Variants in BBS7 observed in about 807,000 individuals in gnomAD.
The protein encoded by BBS7 is BBSome complex member BBS7.
A neutral mutation model predicts 90.3 loss-of-function variants in BBS7; 50 were observed. The observed-to-expected ratio is 0.55, with a 90% CI of 0.44 to 0.70. The LOEUF (loss-of-function observed/expected upper bound fraction) is 0.70, where lower values mean the gene tolerates loss of function less well. Ranked by LOEUF, BBS7 falls within the 30% of genes least tolerant of loss-of-function variation. The pLI is 0.00. For missense variants in BBS7, 729 were observed against 838.9 expected, an observed-to-expected ratio of 0.87 and a Z score of 1.62; for synonymous variants, 235 against 287.4, an observed-to-expected ratio of 0.82 and a Z score of 1.85.
intron 1 of BBS7, 144 bp from the exon 2 acceptor site, chr4:121,868,190 C>A: frequency 1.3e-6 from 1 of 746,660 alleles, no homozygotes; most frequent in Non-Finnish European, 2.4e-6. Context: ...TGAGATATGT[C>A]ATATTAGTCA....
chr4:121,861,048 A>G (rs1726946662), intron 4 of BBS7, among the ~76,000 whole-genome samples: 1 of 152,156 alleles, frequency 6.6e-6, no homozygotes, highest in African/African-American at 2.4e-5. Flanking sequence ...TCTGAATTGC[A>G]AAATCTCACA....
rs772709822 is a variant in BBS7 at position 121,854,811 on chromosome 4, C to T, written c.611G>A (p.Gly204Glu). 6.2e-7 allele frequency: 1 copy of T among 1,611,410 alleles called. No individual in the cohort carries two copies. Among genetic ancestry groups the T allele is most frequent in the South Asian group, 1.1e-5 (1 of 90,778 alleles). Residue 204 changes from glycine to glutamate, a missense_variant, in exon 7 of 19, where the codon GGA becomes GAA. Gly to Glu is a moderately conservative substitution (Grantham distance 98, BLOSUM62 -2). Transcript: ENST00000264499. Reference sequence around the variant, plus strand: ...TGATGTCCCAAACAAAAGGTCTTCTCCAGAGTCACCTACTTATAATTAAAG... The same window carrying T: ...TGATGTCCCAAACAAAAGGTCTTCTTCAGAGTCACCTACTTATAATTAAAG... ...ALHNGNGGDSGEDLLFGTSDG... is the reference protein window; with the variant it reads ...ALHNGNGGDSEEDLLFGTSDG...
At chr4:121,863,090 T>C (rs747686146) in intron 3 of BBS7, 127 bp downstream of exon 3, 8 of 872,268 alleles carry the variant, frequency 9.2e-6, no homozygotes, top group Admixed American at 4.1e-5. Flanking sequence ...ATATCTCACA[T>C]AACTACTTAC....
At chr4:121,844,149 G>C in intron 11 of BBS7, 148 bp from the exon 12 acceptor site, 1 of 553,066 alleles carries the variant, frequency 1.8e-6, no homozygotes, top group Non-Finnish European at 3.2e-6. Context: ...ATACTTGATA[G>C]TATATACTTC....
Position 121,825,275 on chromosome 4 carries a change from G to GA in BBS7, c.*584dup, listed in dbSNP as rs1724854798. 6.6e-6 allele frequency: 1 copy of GA among 152,136 alleles called. No homozygotes were observed. The highest frequency in any genetic ancestry group is 1.5e-5 in the Non-Finnish European group (1 of 68,084). The allele number at this position is 152,136 out of a possible 1,614,324, so 9.4% of individuals were successfully genotyped here. Reference sequence around the variant, plus strand: ...AGTTGCAAATCAATCCTATCTCCTAGAAAAAACAATTGGTAGGTTATTTCC... The same window carrying GA: ...AGTTGCAAATCAATCCTATCTCCTAGAAAAAAACAATTGGTAGGTTATTTCC... On this transcript the variant is annotated 3_prime_UTR_variant, in exon 19 of 19. Coordinates refer to ENST00000264499, the MANE Select transcript of BBS7 (RefSeq NM_176824.3).
rs34910805 is a variant in BBS7, at chr4:121,868,684, C to CAAAAAAAAAAAAAAAAAAAAAAAAAAAAA, written c.37-667_37-639dup. Among the ~76,000 whole-genome samples the CAAAAAAAAAAAAAAAAAAAAAAAAAAAAA allele has an allele frequency of 6.0e-5, 3 of 49,684 alleles. 1 individual carries two copies. The highest frequency in any genetic ancestry group is 3.5e-5 in the Non-Finnish European group (1 of 28,772). The allele number at this position is 49,684 out of a possible 152,430, so 32.6% of individuals were successfully genotyped here. On this transcript the variant is annotated intron_variant, in intron 1 of 18. Coordinates refer to ENST00000264499, the MANE Select transcript of BBS7 (RefSeq NM_176824.3). ...TGCGTGACAGAACAAGACCCTGTTT[C>CAAAAAAAAAAAAAAAAAAAAAAAAAAAAA]AAAAAAAAAAAAAAAAAAAAAAAAA...
At chr4:121,835,323 A>AAAT in intron 13 of BBS7, 40 bp from the exon 14 acceptor site, 1 of 1,608,940 alleles carries the variant, frequency 6.2e-7, no homozygotes, top group Non-Finnish European at 8.5e-7. Flanking sequence ...AAGAATATTT[A>AAAT]GCAACAAAAC....
chr4:121,828,595 G>T (rs748773977), intron 16 of BBS7, 24 bp downstream of exon 16: 2 of 1,557,994 alleles, frequency 1.3e-6, no homozygotes, highest in African/African-American at 1.4e-5. Flanking sequence ...ACATCAGAAA[G>T]AATTATTAAT....
At position 121,870,272 on chromosome 4, in the gene BBS7, G is replaced by A; in HGVS notation, c.36+6C>T. 6.2e-7 allele frequency: 1 copy of A among 1,614,156 alleles called. No homozygotes were observed. On this transcript the variant is annotated splice_donor_region_variant and intron_variant, in intron 1 of 18. Coordinates refer to ENST00000264499, the MANE Select transcript of BBS7 (RefSeq NM_176824.3). The stretch of plus-strand genomic sequence containing the variant: ...GCGCGGCGCCCGCCCTATCCCTTGG[G>A]TTTACCTGCAGATAATCCATTCGGT...
In BBS7 at chr4:121,847,492, G is replaced by C. The variant is rs869025207; in HGVS notation, c.949C>G (p.Leu317Val). The change falls in exon 10 of 19, where the codon CTG becomes GTG. Residue 317 changes from leucine to valine, a missense_variant. By Grantham distance (32) the Leu-to-Val change is conservative. Coordinates refer to ENST00000264499, the MANE Select transcript of BBS7 (RefSeq NM_176824.3). ...TCCTTATGAATGGGCTCTGTTGTCA[G>C]ACCTGTAACCCAGCCTGTAGAGATG... ...VSTYSGWVTG[L>V]TTEPIHKESG... 6.2e-7 allele frequency: 1 copy of C among 1,612,498 alleles called. No homozygotes were observed. The highest frequency in any genetic ancestry group is 1.3e-5 in the African/African-American group (1 of 75,004).
At chr4:121,858,872 G>T in intron 5 of BBS7, 120 bp downstream of exon 5, 1 of 890,900 alleles carries the variant, frequency 1.1e-6, no homozygotes, top group Non-Finnish European at 1.7e-6. Flanking sequence ...TTTAAAAATT[G>T]TTTCCACATG....
At chr4:121,833,433 G>T (rs768468832) in intron 14 of BBS7, 38 bp from the exon 15 acceptor site, 44 of 1,579,586 alleles carry the variant, frequency 2.8e-5, no homozygotes, top group Non-Finnish European at 3.8e-5. Flanking sequence ...TTATGTGTGG[G>T]AATACATGAA....
intron 2 of BBS7, 119 bp from the exon 3 acceptor site, chr4:121,863,398 C>A: frequency 1.2e-6 from 1 of 813,062 alleles, no homozygotes; most frequent in South Asian, 2.1e-5. Flanking sequence ...ATCAGAAAAT[C>A]TAGGAAAGAC....
chr4:121,834,802 G>A (rs1487286899), intron 14 of BBS7, among the ~76,000 whole-genome samples: 3 of 152,058 alleles, frequency 2.0e-5, no homozygotes, highest in Non-Finnish European at 4.4e-5. Context: ...TATAATATTT[G>A]AGGCTGATAC....
intron 4 of BBS7, among the ~76,000 whole-genome samples, chr4:121,859,596 T>C (rs1460795327): frequency 6.6e-6 from 1 of 152,164 alleles, no homozygotes; most frequent in East Asian, 1.9e-4. Context: ...TTATTCCTTT[T>C]ACAGGTGAAT....
At position 121,858,975 on chromosome 4, in the gene BBS7, A is replaced by C. The variant is rs1375462550; in HGVS notation, c.528+17T>G. The C allele has an allele frequency of 6.2e-7, 1 of 1,609,036 alleles. No homozygotes were observed. Among genetic ancestry groups the C allele is most frequent in the Non-Finnish European group, 8.5e-7 (1 of 1,175,952 alleles). On this transcript the variant is annotated intron_variant, in intron 5 of 18. Coordinates refer to ENST00000264499, the MANE Select transcript of BBS7 (RefSeq NM_176824.3). ...TCACATAATATAAAAAATTAGAAAAATACAAATAACAGCAACCTGTAAAAC... is the reference window on the plus strand; with the variant it reads ...TCACATAATATAAAAAATTAGAAAACTACAAATAACAGCAACCTGTAAAAC...
At chr4:121,846,817 T>A (rs573628327) in intron 10 of BBS7, among the ~76,000 whole-genome samples, 116 of 152,322 alleles carry the variant, frequency 7.6e-4, no homozygotes, top group African/African-American at 2.3e-3. Context: ...AAGGTCAGCA[T>A]GGGTTGAAAT....
In BBS7 at chr4:121,848,906, G is replaced by A; in HGVS notation, c.872C>T (p.Ser291Phe). 6.2e-7 allele frequency: 1 copy of A among 1,613,886 alleles called. No homozygotes were observed. Among genetic ancestry groups the A allele is most frequent in the Non-Finnish European group, 8.5e-7 (1 of 1,179,976 alleles). Residue 291 changes from serine (S) to phenylalanine (F), a missense_variant, in exon 9 of 19, where the codon TCT becomes TTT. Coordinates refer to ENST00000264499, the MANE Select transcript of BBS7 (RefSeq NM_176824.3). ...TTTTCCTACACAACCACCCTGGATA[G>A]ATGTGACGCTTTCAGACAACATCTA... Reference protein sequence around the residue: ...FDQMLSESVTSIQGGCVGKDS... With the variant: ...FDQMLSESVTFIQGGCVGKDS...
chr4:121,856,801 G>T (rs1726698440), intron 5 of BBS7, among the ~76,000 whole-genome samples: 1 of 148,370 alleles, frequency 6.7e-6, no homozygotes. Context: ...ATGGAATCTT[G>T]CTTTGTTGCC....
Sources: gnomAD v4.1 joint callset for allele counts (sites outside exome capture counted in the v4.1 genomes callset) on GRCh38, gnomAD v4.1.1 for gene constraint, MANE v1.5 for transcripts, NCBI Gene and HGNC (gene_info 2026-07-23, HGNC 2026-07-21) for gene names.